Variants in ANKFN1 observed in about 807,000 individuals in gnomAD.
ANKFN1 encodes the protein ankyrin repeat and fibronectin type-III domain-containing protein 1.
A neutral mutation model predicts 108.7 loss-of-function variants in ANKFN1; 74 were observed. The ratio of observed to expected loss-of-function variants is 0.68; its 90% CI spans 0.56 to 0.83. The LOEUF is 0.83. ANKFN1 is among the 40% of genes least tolerant of loss of function. ANKFN1 has a pLI of 0.00. For missense variants in ANKFN1, 1,505 were observed against 1,382.3 expected (o/e 1.09, Z -1.41); for synonymous variants, 547 against 516.2 (o/e 1.06, Z -0.81).
intron 8 of ANKFN1, among the ~76,000 whole-genome samples, chr17:56,430,850 AT>A (rs1377520524): frequency 6.6e-6 from 1 of 152,204 alleles, no homozygotes; most frequent in Non-Finnish European, 1.5e-5. Flanking sequence ...AAGGAACAGT[AT>A]TTGGTGCTCT....
At chr17:56,423,208 A>G (rs1159493670) in intron 8 of ANKFN1, among the ~76,000 whole-genome samples, 1 of 152,168 alleles carries the variant, frequency 6.6e-6, no homozygotes, top group Admixed American at 6.6e-5. Context: ...AATATTACAG[A>G]CCAAAGGCTC....
chr17:56,316,278 C>T (rs1598397284), intron 3 of ANKFN1, among the ~76,000 whole-genome samples: 1 of 152,110 alleles, frequency 6.6e-6, no homozygotes, highest in Non-Finnish European at 1.5e-5. Context: ...TTCAAATTCT[C>T]ACTGTGATTA....
intron 3 of ANKFN1, among the ~76,000 whole-genome samples, chr17:56,236,794 C>T (rs1164195427): frequency 6.6e-6 from 1 of 152,058 alleles, no homozygotes; most frequent in East Asian, 1.9e-4. Context: ...ATTACTTTTG[C>T]ACCAACCTAA....
rs1474452957 is a variant in ANKFN1 at position 56,511,588 on chromosome 17, C to G, written c.*319C>G. ...AAGCTGGCCATCCCAAAGAGAGACCCTCTGTTCTGCAGCTGGTTCTGTAAT... is the reference window on the plus strand; with the variant it reads ...AAGCTGGCCATCCCAAAGAGAGACCGTCTGTTCTGCAGCTGGTTCTGTAAT... On this transcript the variant is annotated 3_prime_UTR_variant, in exon 21 of 21. Coordinates refer to ENST00000682825, the MANE Select transcript of ANKFN1 (RefSeq NM_001370326.1). 19 of 268,330 alleles carry G rather than the reference C, an allele frequency of 7.1e-5. No individual in the cohort carries two copies. The highest frequency in any genetic ancestry group is 7.0e-6 in the Non-Finnish European group (1 of 142,676). The allele number at this position is 268,330 out of a possible 1,614,324, so 16.6% of individuals were successfully genotyped here.
intron 3 of ANKFN1, among the ~76,000 whole-genome samples, chr17:56,231,776 G>A (rs1305285065): frequency 3.9e-5 from 6 of 152,072 alleles, no homozygotes; most frequent in Admixed American, 2.6e-4. Context: ...CACGTATTTC[G>A]GGAAAATATG....
chr17:56,237,970 G>GT (rs979532883), intron 3 of ANKFN1, among the ~76,000 whole-genome samples: 22 of 152,092 alleles, frequency 1.4e-4, no homozygotes, highest in African/African-American at 5.1e-4. Context: ...ATTCTGGTAT[G>GT]TTTTATCATT....
intron 3 of ANKFN1, among the ~76,000 whole-genome samples, chr17:56,238,460 G>A (rs1021543852): frequency 6.6e-6 from 1 of 152,132 alleles, no homozygotes; most frequent in African/African-American, 2.4e-5. Flanking sequence ...GAATCAAGGT[G>A]CTCCTGTGTT....
intron 3 of ANKFN1, among the ~76,000 whole-genome samples, chr17:56,294,720 G>A (rs537810410): frequency 6.2e-4 from 95 of 152,316 alleles, no homozygotes; most frequent in African/African-American, 2.1e-3. Context: ...GGCAGAAATA[G>A]CAGAAACTTT....
intron 4 of ANKFN1, among the ~76,000 whole-genome samples, chr17:56,341,729 T>G (rs2045963971): frequency 6.6e-6 from 1 of 152,096 alleles, no homozygotes; most frequent in Non-Finnish European, 1.5e-5. Context: ...TGAGGATTTT[T>G]GCATCAATGT....
chr17:56,252,425 T>G (rs1040155334), intron 3 of ANKFN1: 9 of 152,250 alleles, frequency 5.9e-5, no homozygotes, highest in Admixed American at 3.9e-4. Flanking sequence ...TTCCTCCTAC[T>G]TCTTACAAGT....
intron 8 of ANKFN1, among the ~76,000 whole-genome samples, chr17:56,398,999 T>C (rs2047671250): frequency 6.6e-6 from 1 of 151,944 alleles, no homozygotes; most frequent in Non-Finnish European, 1.5e-5. Context: ...GAAAGGAAAA[T>C]TCATAAGTAG....
chr17:56,091,418 TCA>T (rs34588908), intron 4 of ANKFN1, among the ~76,000 whole-genome samples: 47,235 of 136,524 alleles, frequency 0.35, 8,416 homozygotes, highest in African/African-American at 0.42. Context: ...TCCAAACAAA[TCA>T]CACACACACA....
intron 15 of ANKFN1, among the ~76,000 whole-genome samples, chr17:56,474,635 T>C (rs1198985984): frequency 6.6e-6 from 1 of 152,132 alleles, no homozygotes; most frequent in Non-Finnish European, 1.5e-5. Flanking sequence ...AGTAATGACC[T>C]GTGAGTCTGT....
At chr17:56,468,306 G>A (rs2145303551) in intron 15 of ANKFN1, among the ~76,000 whole-genome samples, 1 of 152,266 alleles carries the variant, frequency 6.6e-6, no homozygotes, top group Middle Eastern at 3.4e-3. Flanking sequence ...TGCAGCCCTT[G>A]GCCTGGATGG....
chr17:56,129,291 C>T (rs1187263031), intron 4 of ANKFN1, among the ~76,000 whole-genome samples: 1 of 152,198 alleles, frequency 6.6e-6, no homozygotes, highest in Non-Finnish European at 1.5e-5. Flanking sequence ...CCAGTCCACT[C>T]TTCAGCCCCA....
rs2050763100 is a variant in ANKFN1, at chr17:56,483,064, A to T, written c.2260+540A>T. On this transcript the variant is annotated intron_variant, in intron 18 of 20. Coordinates refer to ENST00000682825, the MANE Select transcript of ANKFN1 (RefSeq NM_001370326.1). ...GCACTGACTTATTAAATAGACTCTA[A>T]ATTTCTGACAGACCATTTGAGAAAT... Among the ~76,000 whole-genome samples, 3 of 152,278 alleles carry T rather than the reference A, an allele frequency of 2.0e-5. No homozygotes were observed. In the South Asian group the frequency reaches 6.2e-4, roughly 32 times the overall value.
chr17:56,465,135 A>G (rs1365225425), intron 14 of ANKFN1, among the ~76,000 whole-genome samples: 1 of 152,050 alleles, frequency 6.6e-6, no homozygotes, highest in African/African-American at 2.4e-5. Context: ...GTTTACCAGC[A>G]TCACACTGCT....
intron 4 of ANKFN1, among the ~76,000 whole-genome samples, chr17:56,339,480 G>A (rs2045905757): frequency 6.6e-6 from 1 of 151,858 alleles, no homozygotes; most frequent in South Asian, 2.1e-4. Flanking sequence ...CCTCTGAAAG[G>A]CCCCAGTATC....
intron 1 of ANKFN1, among the ~76,000 whole-genome samples, chr17:56,179,852 C>T (rs1363517483): frequency 6.6e-6 from 1 of 152,182 alleles, no homozygotes; most frequent in Non-Finnish European, 1.5e-5. Context: ...TTCCTTCCTT[C>T]CCAAAATCTG....
Sources: allele counts gnomAD v4.1 joint callset (sites outside exome capture counted in the v4.1 genomes callset), GRCh38; gene constraint gnomAD v4.1.1; transcripts MANE v1.5; gene names NCBI Gene and HGNC (gene_info 2026-07-23, HGNC 2026-07-21).